Variants in RAB32 observed in about 807,000 individuals in gnomAD.
RAB32 encodes the protein RAB32, member RAS oncogene family.
A neutral mutation model predicts 17.5 loss-of-function variants in RAB32; 17 were observed. That is an observed-to-expected ratio of 0.97 (90% confidence interval 0.67 to 1.46). RAB32 has a LOEUF of 1.46. RAB32 is among the 40% of genes most tolerant of loss of function. The pLI, the probability that RAB32 is intolerant of heterozygous loss-of-function variation, is 0.00. For missense variants in RAB32, 288 were observed against 284.3 expected, an observed-to-expected ratio of 1.01 and a Z score of -0.09; for synonymous variants, 115 against 111.1, an observed-to-expected ratio of 1.04 and a Z score of -0.22.
intron 2 of RAB32, among the ~76,000 whole-genome samples, chr6:146,554,106 T>C (rs961353557): frequency 6.6e-6 from 1 of 152,180 alleles, no homozygotes; most frequent in African/African-American, 2.4e-5. Flanking sequence ...TTGAATTAGA[T>C]ATTCAAGGGC....
At chr6:146,548,482 G>A (rs906788187) in intron 1 of RAB32, among the ~76,000 whole-genome samples, 1 of 152,190 alleles carries the variant, frequency 6.6e-6, no homozygotes, top group African/African-American at 2.4e-5. Context: ...AGAACAGAGT[G>A]ATACATCTTA....
intron 2 of RAB32, among the ~76,000 whole-genome samples, chr6:146,552,218 C>T (rs947470427): frequency 5.9e-5 from 9 of 152,110 alleles, no homozygotes; most frequent in African/African-American, 2.2e-4. Flanking sequence ...GTTACACTAT[C>T]ATTGGAATTT....
In RAB32 at chr6:146,549,187, C is replaced by G. The variant is rs74389259; in HGVS notation, c.251-277C>G. ...AGGGGAGACGAGTCGGAATAAATGA[C>G]AGACTTTGTAGCTTTAAATATTGTC... On this transcript the variant is annotated intron_variant, in intron 1 of 2. Transcript: ENST00000367495. Among the ~76,000 whole-genome samples, 1,441 of 152,262 alleles carry G rather than the reference C, an allele frequency of 9.5e-3. 42 individuals are homozygous for G. The East Asian group carries it at 0.1, about 11-fold the overall frequency.
intron 1 of RAB32, among the ~76,000 whole-genome samples, chr6:146,548,853 A>G (rs1164324042): frequency 6.6e-6 from 1 of 152,214 alleles, no homozygotes; most frequent in African/African-American, 2.4e-5. Flanking sequence ...AGAACCCTGG[A>G]ATTGATTCTT....
intron 2 of RAB32, among the ~76,000 whole-genome samples, chr6:146,550,648 C>A (rs1156967824): frequency 2.0e-5 from 2 of 101,120 alleles, no homozygotes; most frequent in African/African-American, 3.9e-5. Flanking sequence ...CAAAGTGAGA[C>A]CCCATCTCAA....
rs140712926 is a variant in RAB32 at position 146,550,583 on chromosome 6, G to T, written c.528+842G>T. ...AAGGCAGGAGGATCACTTGAGTCTGGGAGGCAGAGGTTGCAGTGAGCCGAG... is the reference window on the plus strand; with the variant it reads ...AAGGCAGGAGGATCACTTGAGTCTGTGAGGCAGAGGTTGCAGTGAGCCGAG... On this transcript the variant is annotated intron_variant, in intron 2 of 2. Coordinates refer to ENST00000367495, the MANE Select transcript of RAB32 (RefSeq NM_006834.5). Among the ~76,000 whole-genome samples, 597 of 151,686 alleles carry T rather than the reference G, an allele frequency of 3.9e-3. 4 individuals carry two copies. Among genetic ancestry groups the T allele is most frequent in the Non-Finnish European group, 5.9e-3 (398 of 67,924 alleles).
intron 2 of RAB32, among the ~76,000 whole-genome samples, chr6:146,551,149 T>C (rs1779893283): frequency 6.6e-6 from 1 of 152,198 alleles, no homozygotes; most frequent in Non-Finnish European, 1.5e-5. Context: ...AAAGACTGTC[T>C]ACTGCAGGCA....
chr6:146,548,963 G>A (rs1779860236), intron 1 of RAB32, among the ~76,000 whole-genome samples: 1 of 152,166 alleles, frequency 6.6e-6, no homozygotes, highest in South Asian at 2.1e-4. Context: ...TCAGAAGTGG[G>A]TATGGGCTAG....
chr6:146,549,180 T>A (rs1779863593), intron 1 of RAB32, among the ~76,000 whole-genome samples: 1 of 152,252 alleles, frequency 6.6e-6, no homozygotes, highest in Non-Finnish European at 1.5e-5. Flanking sequence ...CGAGTCGGAA[T>A]AAATGACAGA....
At chr6:146,553,621 G>T (rs748202879) in intron 2 of RAB32, among the ~76,000 whole-genome samples, 3 of 152,070 alleles carry the variant, frequency 2.0e-5, no homozygotes, top group Non-Finnish European at 4.4e-5. Context: ...CTGAAATAGG[G>T]CATTGAGATA....
rs151190854 is a variant in RAB32 at position 146,545,167 on chromosome 6, C to A, written c.250+1046C>A. On this transcript the variant is annotated intron_variant, in intron 1 of 2. Coordinates refer to ENST00000367495, the MANE Select transcript of RAB32 (RefSeq NM_006834.5). ...GCCTGTAGTCCCAGCTACTCAGGAGCCTGAGGCAGGAGGATCACTTGACCC... is the reference window on the plus strand; with the variant it reads ...GCCTGTAGTCCCAGCTACTCAGGAGACTGAGGCAGGAGGATCACTTGACCC... Among the ~76,000 whole-genome samples, 162 of 151,796 alleles carry A rather than the reference C, an allele frequency of 1.1e-3. 1 individual carries two copies. Among genetic ancestry groups the A allele is most frequent in the African/African-American group, 3.8e-3 (157 of 41,374 alleles).
rs759944103 is a variant in RAB32 at position 146,554,797 on chromosome 6, G to A, written c.*192G>A. The A allele has an allele frequency of 2.1e-4, 102 of 492,236 alleles. No homozygotes were observed. Among genetic ancestry groups the A allele is most frequent in the Non-Finnish European group, 3.2e-4 (91 of 281,460 alleles). The allele number at this position is 492,236 out of a possible 1,614,324, so 30.5% of individuals were successfully genotyped here. A position where few individuals can be genotyped will look rare whatever the true frequency, so the allele number is the denominator to read the frequency against. On this transcript the variant is annotated 3_prime_UTR_variant, in exon 3 of 3. Transcript: ENST00000367495. ...CTGCTAGTGGCTCTGTAACTTAACA[G>A]ATGACAATTAGGCTTTTGTCATTGT... is the stretch of plus-strand genomic sequence containing the variant.
At chr6:146,544,963 C>CAAGT (rs895830348) in intron 1 of RAB32, among the ~76,000 whole-genome samples, 27 of 152,184 alleles carry the variant, frequency 1.8e-4, no homozygotes, top group African/African-American at 6.3e-4. Context: ...GGTACCAAGC[C>CAAGT]AAGTGCCAGT....
intron 1 of RAB32, among the ~76,000 whole-genome samples, chr6:146,546,897 A>G (rs545459753): frequency 4.0e-5 from 6 of 151,610 alleles, no homozygotes; most frequent in Non-Finnish European, 8.8e-5. Context: ...AGAATTATCA[A>G]ATGTTTTCTA....
At position 146,544,130 on chromosome 6, in the gene RAB32, G is replaced by A; in HGVS notation, c.250+9G>A. ...GCTGTGGGACATCGCGGGTAAGCGC[G>A]GCCGCGAGTTTCCCACTCCAGAGCC... On this transcript the variant is annotated intron_variant, in intron 1 of 2. Coordinates refer to ENST00000367495, the MANE Select transcript of RAB32 (RefSeq NM_006834.5). 6.2e-7 allele frequency: 1 copy of A among 1,604,346 alleles called. No individual in the cohort carries two copies. The highest frequency in any genetic ancestry group is 8.5e-7 in the Non-Finnish European group (1 of 1,174,968).
intron 1 of RAB32, among the ~76,000 whole-genome samples, chr6:146,546,207 G>T (rs1262063983): frequency 6.6e-6 from 1 of 152,010 alleles, no homozygotes; most frequent in Non-Finnish European, 1.5e-5. Context: ...AGTTTTGCCA[G>T]GAAGGAAAAC....
At chr6:146,548,592 A>G (rs938399981) in intron 1 of RAB32, among the ~76,000 whole-genome samples, 1 of 152,174 alleles carries the variant, frequency 6.6e-6, no homozygotes, top group East Asian at 1.9e-4. Flanking sequence ...TCCCACTTCT[A>G]TAGGTGTGTG....
At chr6:146,550,728 G>A (rs1305510859) in intron 2 of RAB32, among the ~76,000 whole-genome samples, 1 of 149,150 alleles carries the variant, frequency 6.7e-6, no homozygotes, top group Admixed American at 6.7e-5. Context: ...AATGTTTGGG[G>A]GGGGGGTTAC....
intron 1 of RAB32, among the ~76,000 whole-genome samples, chr6:146,547,799 T>C (rs1779842294): frequency 1.3e-5 from 2 of 151,954 alleles, no homozygotes; most frequent in Admixed American, 1.3e-4. Context: ...AACTGTTCTT[T>C]TACTCATTTG....
Sources: allele counts gnomAD v4.1 joint callset (sites outside exome capture counted in the v4.1 genomes callset), GRCh38; gene constraint gnomAD v4.1.1; transcripts MANE v1.5; gene names NCBI Gene and HGNC (gene_info 2026-07-23, HGNC 2026-07-21).